The following WDR27 variants were observed in gnomAD, a reference collection of about 807,000 sequenced individuals.
The protein encoded by WDR27 is WD repeat-containing protein 27.
WDR27 carries 100 observed loss-of-function variants against 114.4 expected under a neutral mutation model. That is an observed-to-expected ratio of 0.87 (90% CI 0.74 to 1.03). The LOEUF (loss-of-function observed/expected upper bound fraction) is 1.03, where lower values mean the gene tolerates loss of function less well. Ranked by LOEUF, WDR27 falls within the 50% of genes least tolerant of loss-of-function variation. The pLI, the probability that WDR27 is intolerant of heterozygous loss-of-function variation, is 0.00. For missense variants in WDR27, 1,129 were observed against 1,092.9 expected (o/e 1.03, Z -0.47); for synonymous variants, 449 against 423.1 (o/e 1.06, Z -0.75).
chr6:169,595,432 T>C (rs1054374663), intron 23 of WDR27, among the ~76,000 whole-genome samples: 1 of 152,254 alleles, frequency 6.6e-6, no homozygotes, highest in South Asian at 2.1e-4. Context: ...AATAGTGAGG[T>C]TGTCTAGCAA....
At chr6:169,499,636 G>A (rs9295002) in intron 25 of WDR27, among the ~76,000 whole-genome samples, 54,070 of 152,120 alleles carry the variant, frequency 0.36, 10,673 homozygotes, top group African/African-American at 0.53. Context: ...ATACATTTGT[G>A]AGCACAGAAC....
the WDR27 span, among the ~76,000 whole-genome samples, chr6:169,445,965 C>T: frequency 6.6e-6 from 1 of 152,254 alleles, no homozygotes; most frequent in Non-Finnish European, 1.5e-5. Flanking sequence ...CTGCCCCAGC[C>T]TGTGATTTGT....
At chr6:169,556,743 AAAG>A (rs781742239) in intron 25 of WDR27, among the ~76,000 whole-genome samples, 51 of 152,374 alleles carry the variant, frequency 3.3e-4, no homozygotes, top group Non-Finnish European at 6.8e-4. Flanking sequence ...TTAAAAAAGA[AAAG>A]TTCTATAATT....
intron 25 of WDR27, among the ~76,000 whole-genome samples, chr6:169,536,706 C>T (rs1423548028): frequency 1.3e-5 from 2 of 152,102 alleles, no homozygotes; most frequent in African/African-American, 4.8e-5. Context: ...GATGTTAAGT[C>T]AGACACAAAC....
chr6:169,646,313 C>T (rs1820735819), intron 16 of WDR27, among the ~76,000 whole-genome samples: 1 of 152,182 alleles, frequency 6.6e-6, no homozygotes, highest in Non-Finnish European at 1.5e-5. Context: ...AAAAGCTGCA[C>T]CCAAAAGGCC....
chr6:169,471,878 C>T (rs1005708792), intron 25 of WDR27, among the ~76,000 whole-genome samples: 1 of 152,184 alleles, frequency 6.6e-6, no homozygotes, highest in African/African-American at 2.4e-5. Context: ...CTGGTGAGGG[C>T]TGCTCGCTGC....
intron 2 of WDR27, among the ~76,000 whole-genome samples, chr6:169,676,568 G>C (rs1054116478): frequency 2.6e-5 from 4 of 152,074 alleles, no homozygotes; most frequent in Non-Finnish European, 4.4e-5. Context: ...CTAAGACTCT[G>C]GCACTTTTTA....
At chr6:169,462,151 G>A (rs1353156571) in intron 25 of WDR27, among the ~76,000 whole-genome samples, 9 of 151,596 alleles carry the variant, frequency 5.9e-5, no homozygotes, top group Admixed American at 1.3e-4. Context: ...AAAAACTCCT[G>A]ATAAAGAAAA....
At chr6:169,697,924 C>T (rs938771363) in intron 1 of WDR27, among the ~76,000 whole-genome samples, 1 of 152,188 alleles carries the variant, frequency 6.6e-6, no homozygotes, top group African/African-American at 2.4e-5. Context: ...TTTATTTCTA[C>T]ACTCGTCCCC....
chr6:169,582,774 C>A lies in WDR27; in HGVS notation c.2523+62G>T, dbSNP rs1162005309. ...TCACCAAAATAAAGTCATAAAGATACAAAAATATAATGTAAGACTTGTATG... is the reference window on the plus strand; with the variant it reads ...TCACCAAAATAAAGTCATAAAGATAAAAAAATATAATGTAAGACTTGTATG... On this transcript the variant is annotated intron_variant, in intron 24 of 25. Transcript: ENST00000448612. The A allele has an allele frequency of 3.0e-6, 4 of 1,348,694 alleles. No homozygotes were observed. The Admixed American group carries it at 6.3e-5, about 21-fold the overall frequency. 83.5% of individuals were successfully genotyped at this position (1,348,694 alleles called of 1,614,324 possible).
chr6:169,545,771 G>C lies in WDR27; in HGVS notation c.2645+26648C>G, dbSNP rs190061309. On this transcript the variant is annotated intron_variant, in intron 25 of 25. Coordinates refer to ENST00000448612, the MANE Select transcript of WDR27 (RefSeq NM_182552.5). Reference sequence around the variant, plus strand: ...ACAGAATTGGAGAAAATATTTTCAAGATAGATATCTGACAAAACACTAGTA... The same window carrying C: ...ACAGAATTGGAGAAAATATTTTCAACATAGATATCTGACAAAACACTAGTA... Among the ~76,000 whole-genome samples the C allele has an allele frequency of 2.0e-5, 3 of 152,226 alleles. No individual in the cohort carries two copies. The East Asian group carries it at 5.8e-4, about 29-fold the overall frequency.
At chr6:169,693,789 A>G (rs1480365548) in intron 1 of WDR27, among the ~76,000 whole-genome samples, 1 of 152,216 alleles carries the variant, frequency 6.6e-6, no homozygotes, top group African/African-American at 2.4e-5. Context: ...CAATAGGAAA[A>G]TATCACAATC....
intron 22 of WDR27, among the ~76,000 whole-genome samples, chr6:169,604,876 A>G (rs1482317849): frequency 1.3e-5 from 2 of 152,076 alleles, no homozygotes; most frequent in Admixed American, 1.3e-4. Context: ...ATGCAAAAAA[A>G]AGCACTTAAT....
chr6:169,673,512 G>A (rs891363392), intron 2 of WDR27, among the ~76,000 whole-genome samples: 3 of 151,782 alleles, frequency 2.0e-5, no homozygotes, highest in Non-Finnish European at 1.5e-5. Flanking sequence ...CAACTAGGTC[G>A]TTGAAGAATT....
intron 23 of WDR27, among the ~76,000 whole-genome samples, chr6:169,586,283 C>T (rs1804540390): frequency 6.6e-6 from 1 of 152,214 alleles, no homozygotes; most frequent in Non-Finnish European, 1.5e-5. Context: ...ACAGTTCTCT[C>T]CAGTGGGAAT....
intron 25 of WDR27, among the ~76,000 whole-genome samples, chr6:169,560,822 C>G (rs1799578965): frequency 6.6e-6 from 1 of 152,124 alleles, no homozygotes; most frequent in South Asian, 2.1e-4. Flanking sequence ...AGTGTCACAC[C>G]ATATCAATCC....
At chr6:169,622,631 A>T in intron 21 of WDR27, among the ~76,000 whole-genome samples, 1 of 152,382 alleles carries the variant, frequency 6.6e-6, no homozygotes, top group Non-Finnish European at 1.5e-5. Flanking sequence ...AGTTTAACAT[A>T]AAATCTATTA....
Position 169,465,277 on chromosome 6 carries a change from A to G in WDR27, c.2646-7643T>C, listed in dbSNP as rs1024946516. Among the ~76,000 whole-genome samples the G allele has an allele frequency of 4.3e-3, 648 of 151,350 alleles. 7 individuals carry two copies. Among genetic ancestry groups the G allele is most frequent in the African/African-American group, 0.015 (608 of 41,282 alleles). Reference sequence around the variant, plus strand: ...CCATCTCAAAAAAAAAAAAAAAAAAAAAAAGAAATAAAGAAAAGATGCTCA... The same window carrying G: ...CCATCTCAAAAAAAAAAAAAAAAAAGAAAAGAAATAAAGAAAAGATGCTCA... On this transcript the variant is annotated intron_variant, in intron 25 of 25. Transcript: ENST00000448612.
At chr6:169,635,385 A>G (rs1300808018) in intron 19 of WDR27, among the ~76,000 whole-genome samples, 1 of 152,204 alleles carries the variant, frequency 6.6e-6, no homozygotes, top group Non-Finnish European at 1.5e-5. Context: ...CTCCGTCTCA[A>G]AAACAAACTT....
Sources: allele counts gnomAD v4.1 joint callset (sites outside exome capture counted in the v4.1 genomes callset), GRCh38; gene constraint gnomAD v4.1.1; transcripts MANE v1.5; gene names NCBI Gene and HGNC (gene_info 2026-07-23, HGNC 2026-07-21).